The following ESRRG variants were observed in gnomAD, a reference collection of about 807,000 sequenced individuals.
ESRRG encodes the protein estrogen related receptor gamma.
Under a neutral mutation model 44.0 loss-of-function variants are expected in ESRRG, and 13 were observed. The ratio of observed to expected loss-of-function variants is 0.30; its 90% CI spans 0.19 to 0.47. The LOEUF is 0.47. ESRRG is among the 20% of genes least tolerant of loss of function. The probability of loss-of-function intolerance (pLI) is 1.00; values close to 1 mark genes in which losing one functional copy is unlikely to be tolerated. For synonymous variants in ESRRG, 215 were observed against 214.6 expected (o/e 1.00, Z -0.02); for missense variants, 395 against 580.6 (o/e 0.68, Z 3.29).
intron 1 of ESRRG, among the ~76,000 whole-genome samples, chr1:216,995,700 G>A (rs1177998235): frequency 1.3e-5 from 2 of 152,174 alleles, no homozygotes; most frequent in Non-Finnish European, 2.9e-5. Context: ...CCTTCAGGCA[G>A]AATCTGAATC....
chr1:216,791,540 TC>T (rs2094320373), intron 2 of ESRRG, among the ~76,000 whole-genome samples: 1 of 152,130 alleles, frequency 6.6e-6, no homozygotes, highest in South Asian at 2.1e-4. Flanking sequence ...CTGAAAAGAT[TC>T]CTTGGAAATC....
chr1:216,758,939 A>T (rs2092616218), intron 2 of ESRRG, among the ~76,000 whole-genome samples: 1 of 151,980 alleles, frequency 6.6e-6, no homozygotes, highest in Admixed American at 6.6e-5. Context: ...CTAAGAAGGT[A>T]TTATTATCCC....
At chr1:217,048,257 C>T (rs2085250280) in intron 1 of ESRRG, among the ~76,000 whole-genome samples, 3 of 152,044 alleles carry the variant, frequency 2.0e-5, no homozygotes, top group Non-Finnish European at 4.4e-5. Context: ...GTTAGAGAGG[C>T]CACAGAGGGC....
Position 216,674,736 on chromosome 1 carries a change from A to G in ESRRG, c.472+2340T>C, listed in dbSNP as rs111886686. ...GCAATCCTTCTGCCTCAACCTTTCCAGTAGCCACGACTACAGGTGCATGCC... is the reference window on the plus strand; with the variant it reads ...GCAATCCTTCTGCCTCAACCTTTCCGGTAGCCACGACTACAGGTGCATGCC... On this transcript the variant is annotated intron_variant, in intron 2 of 6. Coordinates refer to ENST00000408911, the MANE Select transcript of ESRRG (RefSeq NM_001438.4). Among the ~76,000 whole-genome samples, 283 of 149,684 alleles carry G rather than the reference A, an allele frequency of 1.9e-3. 3 individuals carry two copies. Among genetic ancestry groups the G allele is most frequent in the African/African-American group, 6.5e-3 (264 of 40,636 alleles).
chr1:217,029,347 G>GT (rs2151004138), intron 1 of ESRRG, among the ~76,000 whole-genome samples: 1 of 152,182 alleles, frequency 6.6e-6, no homozygotes, highest in African/African-American at 2.4e-5. Flanking sequence ...GAAACCGACC[G>GT]TAAGGGAAGA....
At chr1:216,741,733 T>C (rs1279591362) in intron 2 of ESRRG, among the ~76,000 whole-genome samples, 1 of 152,174 alleles carries the variant, frequency 6.6e-6, no homozygotes, top group African/African-American at 2.4e-5. Context: ...GGGCAATTGC[T>C]GTCTAAGCTT....
chr1:216,829,233 T>G (rs1166327520), intron 2 of ESRRG, among the ~76,000 whole-genome samples: 2 of 152,090 alleles, frequency 1.3e-5, no homozygotes, highest in Non-Finnish European at 2.9e-5. Flanking sequence ...CTGACACACC[T>G]GGAGTGTGTG....
intron 1 of ESRRG, among the ~76,000 whole-genome samples, chr1:216,712,834 G>A (rs1009343562): frequency 6.6e-6 from 1 of 152,172 alleles, no homozygotes; most frequent in African/African-American, 2.4e-5. Flanking sequence ...GAGCCCAGTT[G>A]TTTTTAGTGA....
intron 3 of ESRRG, among the ~76,000 whole-genome samples, chr1:216,624,254 G>A (rs1207275052): frequency 6.6e-6 from 1 of 152,178 alleles, no homozygotes; most frequent in Non-Finnish European, 1.5e-5. Context: ...GCAATACTGT[G>A]AGTTTCTGTT....
At chr1:216,527,462 A>G (rs1205181224) in intron 5 of ESRRG, among the ~76,000 whole-genome samples, 2 of 152,098 alleles carry the variant, frequency 1.3e-5, no homozygotes, top group African/African-American at 4.8e-5. Context: ...ATAAAACTGA[A>G]ACTCTCTGGT....
At chr1:216,554,331 G>A (rs12750231) in intron 5 of ESRRG, among the ~76,000 whole-genome samples, 30,479 of 151,830 alleles carry the variant, frequency 0.2, 3,854 homozygotes, top group Non-Finnish European at 0.27. Flanking sequence ...GCATGCACCT[G>A]TAATCCCAGC....
At position 217,133,586 on chromosome 1, in the gene ESRRG, T is replaced by A. The variant is rs536563119; in HGVS notation, c.-230+4081A>T. Among the ~76,000 whole-genome samples, 3 of 152,340 alleles carry A rather than the reference T, an allele frequency of 2.0e-5. No homozygotes were observed. In the South Asian group the frequency reaches 6.2e-4, roughly 32 times the overall value. On this transcript the variant is annotated intron_variant, in intron 1 of 8. Transcript: ENST00000366940. ...TGAACAAGGTGGAAAGAAAGACAGCTAGCAATGGTGTTTTCCTTTTTTCTT... is the reference window on the plus strand; with the variant it reads ...TGAACAAGGTGGAAAGAAAGACAGCAAGCAATGGTGTTTTCCTTTTTTCTT...
At chr1:216,877,696 A>T (rs2096379482) in intron 2 of ESRRG, among the ~76,000 whole-genome samples, 1 of 152,096 alleles carries the variant, frequency 6.6e-6, no homozygotes, top group Non-Finnish European at 1.5e-5. Flanking sequence ...CTATACATAC[A>T]TACAGGCAGA....
chr1:216,584,548 G>T (rs958999551), intron 3 of ESRRG, among the ~76,000 whole-genome samples: 3 of 152,022 alleles, frequency 2.0e-5, no homozygotes, highest in Non-Finnish European at 2.9e-5. Context: ...GAGTAACTGT[G>T]CCCGGCCCAA....
At chr1:217,027,474 C>A (rs1456942156) in intron 1 of ESRRG, among the ~76,000 whole-genome samples, 2 of 152,102 alleles carry the variant, frequency 1.3e-5, no homozygotes, top group African/African-American at 2.4e-5. Context: ...GGGCCTGGAA[C>A]CTCTATTTCT....
chr1:216,922,215 A>C (rs962343635), intron 2 of ESRRG, among the ~76,000 whole-genome samples: 3 of 152,226 alleles, frequency 2.0e-5, no homozygotes, highest in African/African-American at 7.2e-5. Context: ...ATTTGCCATC[A>C]CAGATGAAGC....
intron 3 of ESRRG, among the ~76,000 whole-genome samples, chr1:216,582,129 T>C (rs2062894527): frequency 6.6e-6 from 1 of 152,230 alleles, no homozygotes; most frequent in Non-Finnish European, 1.5e-5. Context: ...GATTTTAAAA[T>C]GTGATTTTGT....
chr1:216,743,461 G>A (rs1406406744), intron 2 of ESRRG, among the ~76,000 whole-genome samples: 3 of 152,134 alleles, frequency 2.0e-5, no homozygotes, highest in East Asian at 3.9e-4. Flanking sequence ...AAATATAAAA[G>A]TATTCCTCTT....
intron 1 of ESRRG, among the ~76,000 whole-genome samples, chr1:217,121,851 A>G (rs563668858): frequency 4.5e-4 from 69 of 152,270 alleles, no homozygotes; most frequent in Non-Finnish European, 7.5e-4. Flanking sequence ...GAACATAACC[A>G]CCTACTAGTG....
Sources: allele counts gnomAD v4.1 joint callset (sites outside exome capture counted in the v4.1 genomes callset), GRCh38; gene constraint gnomAD v4.1.1; transcripts MANE v1.5; gene names NCBI Gene and HGNC (gene_info 2026-07-23, HGNC 2026-07-21).